NACAD: variants seen among roughly 807,000 people sequenced by gnomAD.
NACAD encodes NAC alpha domain containing.
Under a neutral mutation model 98.9 loss-of-function variants are expected in NACAD, and 47 were observed. The observed-to-expected ratio is 0.48, with a 90% CI of 0.38 to 0.61. The LOEUF (loss-of-function observed/expected upper bound fraction) is 0.61, where lower values mean the gene tolerates loss of function less well. Ranked by LOEUF, NACAD falls within the 20% of genes least tolerant of loss-of-function variation. The pLI is 0.00. For synonymous variants in NACAD, 696 were observed against 767.2 expected, an observed-to-expected ratio of 0.91 and a Z score of 1.53; for missense variants, 1,412 against 1,748.2, an observed-to-expected ratio of 0.81 and a Z score of 3.43.
chr7:45,088,735 T>TTG lies in NACAD; in HGVS notation c.67+92_67+93insCA. The TTG allele has an allele frequency of 1.3e-6, 1 of 774,302 alleles. No homozygotes were observed. The highest frequency in any genetic ancestry group is 6.2e-5 in the Admixed American group (1 of 16,246). 48.0% of individuals were successfully genotyped at this position (774,302 alleles called of 1,614,324 possible). On this transcript the variant is annotated intron_variant, in intron 1 of 7. Transcript: ENST00000490531. This position sits in a 1 kb window ranked among gnomAD's most constrained non-coding sequence, Gnocchi z 5.7. ...GGGGACTCGAGGGGGGCCAGGGGGA[T>TTG]GGGGGAGAGGGGTGAAAGGTGAGCG...
chr7:45,084,522 G>T lies in NACAD; in HGVS notation c.1658C>A (p.Thr553Lys), dbSNP rs1172603001. Residue 553 changes from threonine (T) to lysine (K), a missense_variant, in exon 2 of 8, where the codon ACA (threonine) becomes AAA (lysine). This residue lies in a region of NACAD where 638 missense variants were observed against 722.7 expected (regional missense o/e 0.88). Coordinates refer to ENST00000490531, the MANE Select transcript of NACAD (RefSeq NM_001146334.2). ...AEKLPTPQEE[T>K]SLTLCPDSPQ... ...AGAGTCTGGACACAATGTGAGGCTT[G>T]TTTCTTCCTGTGGAGTTGGAAGTTT... 17 of 1,552,274 alleles carry T rather than the reference G, an allele frequency of 1.1e-5. No individual in the cohort carries two copies. In the Admixed American group the frequency reaches 2.5e-4, roughly 23 times the overall value.
chr7:45,082,116 A>G lies in NACAD; in HGVS notation c.4064T>C (p.Leu1355Pro). The part of the protein sequence containing the change: ...APEQQEDEDS[L>P]EEDSPRALGS... ...CCCACCCTCTGCCTTACCTTCCTCCAGGCTGTCCTCATCCTCTTGCTGCTC... is the reference window on the plus strand; with the variant it reads ...CCCACCCTCTGCCTTACCTTCCTCCGGGCTGTCCTCATCCTCTTGCTGCTC... The change falls in exon 2 of 8, where the codon CTG becomes CCG. Residue 1355 changes from leucine to proline, a missense_variant. By Grantham distance (98) the Leu-to-Pro change is moderately conservative. Coordinates refer to ENST00000490531, the MANE Select transcript of NACAD (RefSeq NM_001146334.2). This position sits in a 1 kb window ranked among gnomAD's most constrained non-coding sequence, Gnocchi z 4.5. 6.8e-7 allele frequency: 1 copy of G among 1,473,996 alleles called. No homozygotes were observed. The allele number at this position is 1,473,996 out of a possible 1,614,324, so 91.3% of individuals were successfully genotyped here.
In NACAD at chr7:45,085,552, C is replaced by T. The variant is rs1357602552; in HGVS notation, c.628G>A (p.Asp210Asn). Residue 210 changes from aspartate to asparagine, a missense_variant, in exon 2 of 8, where the codon GAC (aspartate) becomes AAC (asparagine). By Grantham distance (23) the Asp-to-Asn change is conservative. Around this residue, in one of 5 missense-constraint regions of NACAD, gnomAD observed 638 missense variants for 722.7 expected, o/e 0.88. Coordinates refer to ENST00000490531, the MANE Select transcript of NACAD (RefSeq NM_001146334.2). The surrounding 1 kb of genome is among the most constrained non-coding windows in gnomAD (Gnocchi z 6.1). The stretch of plus-strand genomic sequence containing the variant: ...CCCGAGGGTGAGGCGGGGGGCGAGT[C>T]CAGCAGCTCATCCCGCAGCTCAGCC... ...SEAELRDELL[D>N]SPPASPSGSY... 4 of 1,550,094 alleles carry T rather than the reference C, an allele frequency of 2.6e-6. No homozygotes were observed. In the African/African-American group the frequency reaches 5.5e-5, roughly 21 times the overall value.
In NACAD at chr7:45,085,319, G is replaced by A; in HGVS notation, c.861C>T (p.Ser287=). The A allele has an allele frequency of 6.4e-7, 1 of 1,551,100 alleles. No homozygotes were observed. The highest frequency in any genetic ancestry group is 2.4e-5 in the East Asian group (1 of 40,908). Residue 287 remains serine (S), a synonymous_variant, in exon 2 of 8, where the codon TCC becomes TCT. Coordinates refer to ENST00000490531, the MANE Select transcript of NACAD (RefSeq NM_001146334.2). The surrounding 1 kb of genome is among the most constrained non-coding windows in gnomAD (Gnocchi z 6.1). ...CGAAGAAGTGGCCCTCCTGGCCCCA[G>A]GAGGAGCTGCTGTCTGCAGAGAGGC... ...ESSLSADSSS[S]WGQEGHFFDL...
chr7:45,085,751 C>A lies in NACAD; in HGVS notation c.429G>T (p.Glu143Asp), dbSNP rs1252064428. ...GTGGGTCTGGGCTTGCGTGCCCACC[C>A]TCCTGGTCCCTGAGCGCTGTCCGGG... ...RAARTALRDQ[E>D]GGHASPDPPP... is the part of the protein sequence containing the mutation. Residue 143 changes from glutamate (E) to aspartate (D), a missense_variant, in exon 2 of 8, where the codon GAG becomes GAT. By Grantham distance (45) the Glu-to-Asp change is conservative (BLOSUM62 2). Transcript: ENST00000490531. The surrounding 1 kb of genome is among the most constrained non-coding windows in gnomAD (Gnocchi z 6.1). The A allele has an allele frequency of 6.5e-7, 1 of 1,549,578 alleles. No individual in the cohort carries two copies. The highest frequency in any genetic ancestry group is 2.0e-5 in the Admixed American group (1 of 50,868).
Position 45,081,808 on chromosome 7 carries a change from C to T in NACAD, c.4132G>A (p.Glu1378Lys), listed in dbSNP as rs1185931157. ...GCCAAGATGTCCTGCTCGTCCAGCTCGGCTGATGACTCCCCGTGGCTATCC... is the reference window on the plus strand; with the variant it reads ...GCCAAGATGTCCTGCTCGTCCAGCTTGGCTGATGACTCCCCGTGGCTATCC... ...HSDSHGESSA[E>K]LDEQDILAPQ... The change falls in exon 3 of 8, where the codon GAG (glutamate) becomes AAG (lysine). Residue 1378 changes from glutamate to lysine, a missense_variant. By Grantham distance (56) the Glu-to-Lys change is moderately conservative. Transcript: ENST00000490531. 5.2e-6 allele frequency: 8 copies of T among 1,550,322 alleles called. No individual in the cohort carries two copies. The highest frequency in any genetic ancestry group is 3.9e-5 in the Admixed American group (2 of 51,012).
At position 45,082,987 on chromosome 7, in the gene NACAD, T is replaced by C. The variant is rs772275858; in HGVS notation, c.3193A>G (p.Lys1065Glu). The change falls in exon 2 of 8, where the codon AAG becomes GAG. Residue 1065 changes from lysine to glutamate, a missense_variant. Coordinates refer to ENST00000490531, the MANE Select transcript of NACAD (RefSeq NM_001146334.2). This position sits in a 1 kb window ranked among gnomAD's most constrained non-coding sequence, Gnocchi z 4.5. ...GTCTCCTTTTGGGGTGAGTCAGGCT[T>C]AGCCCCATCACCTGTGTGCGCTCGC... Reference protein sequence around the residue: ...EARAHTGDGAKPDSPQKETLE... With the variant: ...EARAHTGDGAEPDSPQKETLE... 2.0e-5 allele frequency: 31 copies of C among 1,550,864 alleles called. No homozygotes were observed. The highest frequency in any genetic ancestry group is 2.7e-5 in the African/African-American group (2 of 73,066).
Position 45,080,859 on chromosome 7 carries a change from G to T in NACAD, c.4551+17C>A. 1 of 1,554,024 alleles carries T rather than the reference G, an allele frequency of 6.4e-7. No homozygotes were observed. The highest frequency in any genetic ancestry group is 8.7e-7 in the Non-Finnish European group (1 of 1,148,814). On this transcript the variant is annotated intron_variant, in intron 6 of 7. Transcript: ENST00000490531. Reference sequence around the variant, plus strand: ...TCCCACCACCCCCTGCGAGGCCCTGGAGCCCCTGCACTTCACCTCTTCCTC... The same window carrying T: ...TCCCACCACCCCCTGCGAGGCCCTGTAGCCCCTGCACTTCACCTCTTCCTC...
chr7:45,087,795 T>A (rs1784542952), intron 1 of NACAD, among the ~76,000 whole-genome samples: 1 of 152,202 alleles, frequency 6.6e-6, no homozygotes, highest in Non-Finnish European at 1.5e-5. Flanking sequence ...TGGGCGTGGC[T>A]GGTGGGGCAT....
rs1784517892 is a variant in NACAD, at chr7:45,086,036, C to CA, written c.143_144insT (p.Pro49AlafsTer50). On this transcript the variant is annotated frameshift_variant, in exon 2 of 8. Coordinates refer to ENST00000490531, the MANE Select transcript of NACAD (RefSeq NM_001146334.2). LOFTEE classifies it high-confidence loss of function. ...GGAACGTGAGGGCCAGGTGGCTGGGCCCTGGGGTCAGAGCACAGGGCTCCC... is the reference window on the plus strand; with the variant it reads ...GGAACGTGAGGGCCAGGTGGCTGGGCACCTGGGGTCAGAGCACAGGGCTCCC... The CA allele has an allele frequency of 6.5e-6, 10 of 1,535,604 alleles. No individual in the cohort carries two copies. Among genetic ancestry groups the CA allele is most frequent in the Non-Finnish European group, 7.0e-6 (8 of 1,146,322 alleles).
Position 45,080,511 on chromosome 7 carries a change from A to G in NACAD, c.4687T>C (p.Ter1563GlnextTer19). Residue 1563 changes from the stop codon to glutamine, a stop_lost, in exon 8 of 8, where the codon TAG becomes CAG. Coordinates refer to ENST00000490531, the MANE Select transcript of NACAD (RefSeq NM_001146334.2). The part of the protein sequence containing the change: ...IVNAIMELTM[*>Q] ...TGGCTCCAGCTTCCGGTCAGTGGCT[A>G]CATGGTCAGTTCCTGCAGAAAGAGA... 1 of 1,551,430 alleles carries G rather than the reference A, an allele frequency of 6.4e-7. No individual in the cohort carries two copies. Among genetic ancestry groups the G allele is most frequent in the Non-Finnish European group, 8.7e-7 (1 of 1,146,894 alleles).
Position 45,088,447 on chromosome 7 carries a change from T to C in NACAD, c.67+381A>G, listed in dbSNP as rs1226878332. ...GGTGGTCACCTGATCGTACTGGGGG[T>C]ATCAGCCGGACACCCCGCCTCCAGA... On this transcript the variant is annotated intron_variant, in intron 1 of 7. Coordinates refer to ENST00000490531, the MANE Select transcript of NACAD (RefSeq NM_001146334.2). This position sits in a 1 kb window ranked among gnomAD's most constrained non-coding sequence, Gnocchi z 5.7. Among the ~76,000 whole-genome samples the C allele has an allele frequency of 1.3e-5, 2 of 151,574 alleles. No individual in the cohort carries two copies. The highest frequency in any genetic ancestry group is 3.9e-4 in the East Asian group (2 of 5,134).
rs542373460 is a variant in NACAD at position 45,080,999 on chromosome 7, C to T, written c.4428G>A (p.Val1476=). ...TAAACTTCTCAGCTGCGGCTTTGTG[C>T]ACTTGCTGGGACAGGTCCTCAATCT... The part of the protein sequence containing the change: ...EAKIEDLSQQ[V]HKAAAEKFKV... The change falls in exon 6 of 8, where the codon GTG becomes GTA. Residue 1476 remains valine, a synonymous_variant. Transcript: ENST00000490531. The T allele has an allele frequency of 3.2e-6, 5 of 1,551,892 alleles. No homozygotes were observed. Among genetic ancestry groups the T allele is most frequent in the Non-Finnish European group, 4.4e-6 (5 of 1,147,074 alleles).
rs752034588 is a variant in NACAD at position 45,081,858 on chromosome 7, C to T, written c.4082G>A (p.Arg1361Gln). ...DEDSLEEDSPRALGSGQHSDS... is the reference protein window; with the variant it reads ...DEDSLEEDSPQALGSGQHSDS... ...CGAATGCTGGCCCGAGCCCAGGGCC[C>T]GAGGCGAGTCTGGGGAAGGGGAGAG... Residue 1361 changes from arginine to glutamine, a missense_variant, in exon 3 of 8, where the codon CGG (arginine) becomes CAG (glutamine). Arg to Gln is a conservative substitution (Grantham distance 43, BLOSUM62 1). Around this residue, in one of 5 missense-constraint regions of NACAD, gnomAD observed 572 missense variants for 639.6 expected, o/e 0.89. Transcript: ENST00000490531. 2.9e-5 allele frequency: 45 copies of T among 1,545,542 alleles called. No individual in the cohort carries two copies. The highest frequency in any genetic ancestry group is 9.5e-5 in the South Asian group (8 of 83,994).
Position 45,080,509 on chromosome 7 carries a change from C to G in NACAD, c.4689G>C (p.Ter1563TyrextTer19), listed in dbSNP as rs1784412069. The change falls in exon 8 of 8, where the codon TAG becomes TAC. Residue 1563 changes from the stop codon to tyrosine, a stop_lost. Coordinates refer to ENST00000490531, the MANE Select transcript of NACAD (RefSeq NM_001146334.2). The part of the protein sequence containing the change: ...IVNAIMELTM[*>Y] ...GATGGCTCCAGCTTCCGGTCAGTGGCTACATGGTCAGTTCCTGCAGAAAGA... is the reference window on the plus strand; with the variant it reads ...GATGGCTCCAGCTTCCGGTCAGTGGGTACATGGTCAGTTCCTGCAGAAAGA... 1 of 1,551,420 alleles carries G rather than the reference C, an allele frequency of 6.4e-7. No individual in the cohort carries two copies. Among genetic ancestry groups the G allele is most frequent in the Non-Finnish European group, 8.7e-7 (1 of 1,146,902 alleles).
intron 1 of NACAD, among the ~76,000 whole-genome samples, chr7:45,086,729 A>G (rs996732407): frequency 1.3e-4 from 20 of 152,226 alleles, no homozygotes; most frequent in African/African-American, 4.3e-4. Flanking sequence ...TGGGGAAGCC[A>G]GGGGCCACCA....
At position 45,080,639 on chromosome 7, in the gene NACAD, C is replaced by A; in HGVS notation, c.4674+1G>T. ...AGGGAAAGGGGCCAGTGCTCACTCA[C>A]CATGATGGCGTTGACGATGTCACTG... On this transcript the variant is annotated splice_donor_variant, in intron 7 of 7. Transcript: ENST00000490531. LOFTEE classifies it high-confidence loss of function. 6.4e-7 allele frequency: 1 copy of A among 1,551,382 alleles called. No individual in the cohort carries two copies. The highest frequency in any genetic ancestry group is 8.7e-7 in the Non-Finnish European group (1 of 1,146,924).
chr7:45,083,191 G>T lies in NACAD; in HGVS notation c.2989C>A (p.Gln997Lys), dbSNP rs1372985747. The change falls in exon 2 of 8, where the codon CAG (glutamine) becomes AAG (lysine). Residue 997 changes from glutamine to lysine, a missense_variant. By Grantham distance (53) the Gln-to-Lys change is moderately conservative. Around this residue, in one of 5 missense-constraint regions of NACAD, gnomAD observed 572 missense variants for 639.6 expected, o/e 0.89. Coordinates refer to ENST00000490531, the MANE Select transcript of NACAD (RefSeq NM_001146334.2). ...GGCTGTGGGTCATCCTGTTGGACCTGGTCCAAGGCTGCAGGCTCCGGGACT... is the reference window on the plus strand; with the variant it reads ...GGCTGTGGGTCATCCTGTTGGACCTTGTCCAAGGCTGCAGGCTCCGGGACT... The part of the protein sequence containing the change: ...PTVPEPAALD[Q>K]VQQDDPQPAA... 3 of 1,550,766 alleles carry T rather than the reference G, an allele frequency of 1.9e-6. No individual in the cohort carries two copies. Among genetic ancestry groups the T allele is most frequent in the Non-Finnish European group, 2.6e-6 (3 of 1,147,002 alleles).
At chr7:45,086,218 A>G (rs1584014203) in intron 1 of NACAD, 106 bp from the exon 2 acceptor site, 1 of 1,245,754 alleles carries the variant, frequency 8.0e-7, no homozygotes. Flanking sequence ...AGGAAGGTGG[A>G]TCCAGGAAGG....
Sources: allele counts gnomAD v4.1 joint callset (sites outside exome capture counted in the v4.1 genomes callset), GRCh38; gene constraint gnomAD v4.1.1; regional missense constraint gnomAD v4.1.1; non-coding constraint Gnocchi (gnomAD v3.1); transcripts MANE v1.5; gene names NCBI Gene and HGNC (gene_info 2026-07-23, HGNC 2026-07-21).